SMARCAL1: variants seen among roughly 807,000 people sequenced by gnomAD.
SMARCAL1 encodes SNF2 related chromatin remodeling annealing helicase 1.
SMARCAL1 carries 58 observed loss-of-function variants against 94.5 expected under a neutral mutation model. The ratio of observed to expected loss-of-function variants is 0.61; its 90% CI spans 0.50 to 0.76. The LOEUF (loss-of-function observed/expected upper bound fraction) is 0.76. Ranked by LOEUF, SMARCAL1 falls within the 30% of genes least tolerant of loss-of-function variation. The pLI is 0.00. For synonymous variants in SMARCAL1, 422 were observed against 455.1 expected (o/e 0.93, Z 0.93); for missense variants, 1,051 against 1,177.9 (o/e 0.89, Z 1.58).
chr2:216,445,595 A>G (rs368971648), intron 10 of SMARCAL1, among the ~76,000 whole-genome samples: 61 of 129,646 alleles, frequency 4.7e-4, no homozygotes, highest in African/African-American at 2.2e-3. Flanking sequence ...TCTCTTTTTG[A>G]TAAAACTTTT....
intron 6 of SMARCAL1, among the ~76,000 whole-genome samples, chr2:216,426,165 A>G (rs1342841713): frequency 2.0e-5 from 3 of 152,228 alleles, no homozygotes; most frequent in East Asian, 3.8e-4. Flanking sequence ...CCCAGCCACA[A>G]AAGCTGAATT....
rs1315060813 is a variant in SMARCAL1 at position 216,415,029 on chromosome 2, C to T, written c.325C>T (p.Pro109Ser). 3 of 1,614,216 alleles carry T rather than the reference C, an allele frequency of 1.9e-6. No homozygotes were observed. The highest frequency in any genetic ancestry group is 2.5e-6 in the Non-Finnish European group (3 of 1,180,032). Residue 109 changes from proline to serine, a missense_variant, in exon 3 of 18, where the codon CCA becomes TCA. By Grantham distance (74) the Pro-to-Ser change is moderately conservative. This residue lies in a region of SMARCAL1 where 398 missense variants were observed against 395.2 expected (regional missense o/e 1.01). Transcript: ENST00000357276. ...GCCAGAAGAAATGCCCACAGCCTGCCCAGGCCACAGTCCACGTAGTCAAAT... is the reference window on the plus strand; with the variant it reads ...GCCAGAAGAAATGCCCACAGCCTGCTCAGGCCACAGTCCACGTAGTCAAAT... ...KKPEEMPTAC[P>S]GHSPRSQMAL... is the part of the protein sequence containing the mutation.
intron 5 of SMARCAL1, among the ~76,000 whole-genome samples, chr2:216,421,962 G>A (rs570449484): frequency 2.2e-4 from 34 of 152,276 alleles, no homozygotes; most frequent in African/African-American, 7.2e-4. Flanking sequence ...GAGGGCAGAC[G>A]GGTGAGCAGG....
At chr2:216,466,068 G>A (rs1347829474) in intron 13 of SMARCAL1, among the ~76,000 whole-genome samples, 2 of 152,026 alleles carry the variant, frequency 1.3e-5, no homozygotes, top group African/African-American at 2.4e-5. Flanking sequence ...AGTTGCCCCC[G>A]CTGACCCATT....
Position 216,475,364 on chromosome 2 carries a change from CGTGCT to C in SMARCAL1, c.2343_2347del (p.Leu782HisfsTer14), listed in dbSNP as rs1411952882. ...AACTGTCGGAGAGGCATGCTGTGGC[CGTGCT>C]GTCCATCACCGCTGCCAATATGGGC... On this transcript the variant is annotated frameshift_variant, in exon 15 of 18. Coordinates refer to ENST00000357276, the MANE Select transcript of SMARCAL1 (RefSeq NM_014140.4). LOFTEE classifies it high-confidence loss of function. The surrounding 1 kb of genome is among the most constrained non-coding windows in gnomAD (Gnocchi z 4.4). 6.2e-7 allele frequency: 1 copy of C among 1,614,172 alleles called. No homozygotes were observed. Among genetic ancestry groups the C allele is most frequent in the Non-Finnish European group, 8.5e-7 (1 of 1,180,016 alleles).
chr2:216,415,989 A>G (rs1026305214), intron 3 of SMARCAL1: 29 of 450,576 alleles, frequency 6.4e-5, no homozygotes, highest in Non-Finnish European at 1.1e-4. Flanking sequence ...CGACCTGGAG[A>G]ACTTGGATTC....
chr2:216,477,170 A>C lies in SMARCAL1; in HGVS notation c.2489A>C (p.His830Pro), dbSNP rs1213567551. Residue 830 changes from histidine to proline, a missense_variant, in exon 16 of 18, where the codon CAC becomes CCC. His to Pro is a moderately conservative substitution (Grantham distance 77). Transcript: ENST00000357276. ...RIGQTSSVGI[H>P]YLVAKGTADD... ...GGACAGACCAGCTCCGTGGGCATTC[A>C]CTACCTCGTGGCAAAGGGCACAGCT... 6.3e-7 allele frequency: 1 copy of C among 1,598,138 alleles called. No individual in the cohort carries two copies. The highest frequency in any genetic ancestry group is 2.2e-5 in the East Asian group (1 of 44,454).
Position 216,412,625 on chromosome 2 carries a change from G to C in SMARCAL1, c.-119G>C, listed in dbSNP as rs992462109. ...TGGGGTCAGGGCCGGGGGCGAATGT[G>C]GCTCGCGTTCTAGGCCTCCCTGGGT... On this transcript the variant is annotated 5_prime_UTR_variant, in exon 1 of 18. Transcript: ENST00000357276. 2.0e-5 allele frequency: 3 copies of C among 152,640 alleles called. No individual in the cohort carries two copies. Among genetic ancestry groups the C allele is most frequent in the African/African-American group, 7.2e-5 (3 of 41,468 alleles). 9.5% of individuals were successfully genotyped at this position (152,640 alleles called of 1,614,324 possible).
intron 12 of SMARCAL1, among the ~76,000 whole-genome samples, chr2:216,461,405 T>G (rs1036628661): frequency 7.9e-5 from 12 of 151,898 alleles, no homozygotes; most frequent in African/African-American, 2.9e-4. Flanking sequence ...ATATATAAAA[T>G]ATTATATATG....
chr2:216,446,631 A>G (rs1694320532), intron 10 of SMARCAL1: 1 of 460,562 alleles, frequency 2.2e-6, no homozygotes, highest in African/African-American at 2.0e-5. Context: ...TCTCCAGGAT[A>G]CTAATTAGCT....
rs952000604 is a variant in SMARCAL1 at position 216,450,102 on chromosome 2, C to T, written c.1852-744C>T. On this transcript the variant is annotated intron_variant, in intron 11 of 17. Transcript: ENST00000357276. ...TGACCTCAAGTGATCCTCCTGCCTCCGCCTCCCAAAGTGCTGGGATTACAG... is the reference window on the plus strand; with the variant it reads ...TGACCTCAAGTGATCCTCCTGCCTCTGCCTCCCAAAGTGCTGGGATTACAG... Among the ~76,000 whole-genome samples the T allele has an allele frequency of 9.9e-5, 15 of 152,222 alleles. No individual in the cohort carries two copies. In the East Asian group the frequency reaches 2.3e-3, roughly 24 times the overall value.
intron 11 of SMARCAL1, among the ~76,000 whole-genome samples, chr2:216,447,902 G>A (rs370357068): frequency 6.6e-6 from 1 of 152,128 alleles, no homozygotes; most frequent in Non-Finnish European, 1.5e-5. Flanking sequence ...CTTGTTTTGT[G>A]ATCAAGTCAC....
At chr2:216,416,007 A>C (rs1693592855) in intron 3 of SMARCAL1, 1 of 466,506 alleles carries the variant, frequency 2.1e-6, no homozygotes, top group Admixed American at 3.2e-5. Flanking sequence ...TTCTAGTCCT[A>C]ACTCTGCCCT....
intron 8 of SMARCAL1, 127 bp from the exon 9 acceptor site, chr2:216,435,211 G>T: frequency 1.0e-6 from 1 of 975,398 alleles, no homozygotes; most frequent in Non-Finnish European, 1.6e-6. Flanking sequence ...GGCAAGTGAA[G>T]GGGCACAGGT....
Position 216,475,184 on chromosome 2 carries a change from C to T in SMARCAL1, c.2245-85C>T. On this transcript the variant is annotated intron_variant, in intron 14 of 17. Transcript: ENST00000357276. The surrounding 1 kb of genome is among the most constrained non-coding windows in gnomAD (Gnocchi z 4.4). ...GCCTCTGCTGAGCTGGAACCTGGTTCTGTGCTGGAGCTGTGGCTGGGTGTG... is the reference window on the plus strand; with the variant it reads ...GCCTCTGCTGAGCTGGAACCTGGTTTTGTGCTGGAGCTGTGGCTGGGTGTG... 8 of 1,404,382 alleles carry T rather than the reference C, an allele frequency of 5.7e-6. No homozygotes were observed. Among genetic ancestry groups the T allele is most frequent in the Non-Finnish European group, 7.0e-6 (7 of 997,518 alleles). The allele number at this position is 1,404,382 out of a possible 1,614,324, so 87.0% of individuals were successfully genotyped here.
intron 7 of SMARCAL1, among the ~76,000 whole-genome samples, chr2:216,432,381 A>G (rs888293332): frequency 1.3e-5 from 2 of 152,058 alleles, no homozygotes; most frequent in East Asian, 3.9e-4. Context: ...TCCTCCATGT[A>G]CGTCCCCTGT....
In SMARCAL1 at chr2:216,482,594, G is replaced by A. The variant is rs1010178663; in HGVS notation, c.2626-144G>A. The A allele has an allele frequency of 2.7e-6, 3 of 1,120,184 alleles. No individual in the cohort carries two copies. In the African/African-American group the frequency reaches 4.6e-5, roughly 17 times the overall value. The allele number at this position is 1,120,184 out of a possible 1,614,324, so 69.4% of individuals were successfully genotyped here. A position where few individuals can be genotyped will look rare whatever the true frequency, so the allele number is the denominator to read the frequency against. Reference sequence around the variant, plus strand: ...TTTAGTGATGGTTTGCTGAGATGATGCACACTTGCCATCGTGTAGCTCCCT... The same window carrying A: ...TTTAGTGATGGTTTGCTGAGATGATACACACTTGCCATCGTGTAGCTCCCT... On this transcript the variant is annotated intron_variant, in intron 17 of 17. Transcript: ENST00000357276. This position sits in a 1 kb window ranked among gnomAD's most constrained non-coding sequence, Gnocchi z 4.3.
intron 8 of SMARCAL1, 73 bp downstream of exon 8, chr2:216,432,941 G>A (rs1057087119): frequency 1.9e-6 from 3 of 1,572,134 alleles, no homozygotes; most frequent in Non-Finnish European, 2.6e-6. Flanking sequence ...ATAATGGTTT[G>A]CAGACAGGGC....
chr2:216,451,839 T>C (rs575461368), intron 12 of SMARCAL1, among the ~76,000 whole-genome samples: 12 of 152,364 alleles, frequency 7.9e-5, no homozygotes, highest in African/African-American at 2.4e-4. Context: ...TTCCCATTAC[T>C]AAGAAAATAA....
Sources: allele counts gnomAD v4.1 joint callset (sites outside exome capture counted in the v4.1 genomes callset), GRCh38; gene constraint gnomAD v4.1.1; regional missense constraint gnomAD v4.1.1; non-coding constraint Gnocchi (gnomAD v3.1); transcripts MANE v1.5; gene names NCBI Gene and HGNC (gene_info 2026-07-23, HGNC 2026-07-21).